The following SUZ12 variants were observed in gnomAD, a reference collection of about 807,000 sequenced individuals.
SUZ12 encodes the protein polycomb protein SUZ12.
Under a neutral mutation model 87.3 loss-of-function variants are expected in SUZ12, and 17 were observed. The observed-to-expected ratio is 0.19, with a 90% CI of 0.13 to 0.29. The LOEUF (loss-of-function observed/expected upper bound fraction) is 0.29. SUZ12 is among the 10% of genes least tolerant of loss of function. SUZ12 has a pLI of 1.00. For synonymous variants in SUZ12, 253 were observed against 312.4 expected, an observed-to-expected ratio of 0.81 and a Z score of 2.01; for missense variants, 526 against 912.2, an observed-to-expected ratio of 0.58 and a Z score of 5.45.
At chr17:31,952,822 C>G (rs1907068336) in intron 4 of SUZ12, among the ~76,000 whole-genome samples, 1 of 152,158 alleles carries the variant, frequency 6.6e-6, no homozygotes, top group South Asian at 2.1e-4. Flanking sequence ...CGTGGCCTTC[C>G]AAAGTGCTGG....
intron 8 of SUZ12, among the ~76,000 whole-genome samples, chr17:31,980,011 TAGAG>T (rs55882925): frequency 0.014 from 2,013 of 145,998 alleles, 52 homozygotes; most frequent in African/African-American, 0.048. Context: ...TATATATGTA[TAGAG>T]AGAGAGAGAG....
chr17:31,990,110 A>G (rs1327868878), intron 10 of SUZ12, among the ~76,000 whole-genome samples: 5 of 127,810 alleles, frequency 3.9e-5, no homozygotes, highest in South Asian at 2.5e-4. Flanking sequence ...GCCGGCCACC[A>G]TGCCCGGCTA....
intron 3 of SUZ12, among the ~76,000 whole-genome samples, chr17:31,941,326 G>A (rs1324986540): frequency 6.6e-6 from 1 of 151,408 alleles, no homozygotes; most frequent in African/African-American, 2.4e-5. Flanking sequence ...GTGCAATCTC[G>A]GCTCACTGCG....
chr17:31,943,718 TGA>T (rs977956726), intron 3 of SUZ12, among the ~76,000 whole-genome samples: 14 of 152,188 alleles, frequency 9.2e-5, no homozygotes, highest in African/African-American at 3.1e-4. Context: ...TTTTTTTTTT[TGA>T]GACAGAGTCT....
At chr17:31,980,277 G>T (rs1909018823) in intron 8 of SUZ12, among the ~76,000 whole-genome samples, 1 of 151,692 alleles carries the variant, frequency 6.6e-6, no homozygotes, top group Non-Finnish European at 1.5e-5. Context: ...TATTCAATTA[G>T]TTTTAATCTA....
intron 4 of SUZ12, among the ~76,000 whole-genome samples, chr17:31,948,193 A>G (rs2142129776): frequency 6.6e-6 from 1 of 152,312 alleles, no homozygotes; most frequent in Admixed American, 6.5e-5. Context: ...ATAGTTTCAG[A>G]AACTTGAACA....
chr17:31,956,626 G>A (rs752704744), intron 4 of SUZ12, among the ~76,000 whole-genome samples: 6 of 152,034 alleles, frequency 3.9e-5, no homozygotes, highest in African/African-American at 1.4e-4. Context: ...TCAGAACCTC[G>A]AGATATCACC....
intron 3 of SUZ12, among the ~76,000 whole-genome samples, chr17:31,946,703 C>T (rs11657487): frequency 0.26 from 39,682 of 152,058 alleles, 6,888 homozygotes; most frequent in Non-Finnish European, 0.38. Flanking sequence ...TAAAGAGAAA[C>T]ATTTTTTCTA....
chr17:31,999,263 TCAA>T lies in SUZ12; in HGVS notation c.*264_*266del, dbSNP rs1201993176. The T allele has an allele frequency of 3.5e-5, 10 of 285,364 alleles. No individual in the cohort carries two copies. In the East Asian group the frequency reaches 3.7e-4, roughly 11 times the overall value. The allele number at this position is 285,364 out of a possible 1,614,324, so 17.7% of individuals were successfully genotyped here. A position where few individuals can be genotyped will look rare whatever the true frequency, so the allele number is the denominator to read the frequency against. ...GCAATATTTCAAAGTATTTTTAAAC[TCAA>T]CAAATGTCATCAAATATGTTGAATT... is the stretch of plus-strand genomic sequence containing the variant. On this transcript the variant is annotated 3_prime_UTR_variant, in exon 16 of 16. Coordinates refer to ENST00000322652, the MANE Select transcript of SUZ12 (RefSeq NM_015355.4).
rs559492282 is a variant in SUZ12, at chr17:31,978,824, T to C, written c.917+2210T>C. The stretch of plus-strand genomic sequence containing the variant: ...CCACAGCAGCTTATTTTGAAAATAT[T>C]CACCCGGGCATGGTGGCTCACGCCT... On this transcript the variant is annotated intron_variant, in intron 8 of 15. Coordinates refer to ENST00000322652, the MANE Select transcript of SUZ12 (RefSeq NM_015355.4). Among the ~76,000 whole-genome samples the C allele has an allele frequency of 7.2e-5, 11 of 152,142 alleles. No individual in the cohort carries two copies. In the East Asian group the frequency reaches 1.9e-3, roughly 27 times the overall value.
intron 9 of SUZ12, 29 bp from the exon 10 acceptor site, chr17:31,988,291 C>T (rs1242292497): frequency 2.0e-6 from 3 of 1,505,830 alleles, no homozygotes; most frequent in East Asian, 4.9e-5. Context: ...ATCTGAGTCT[C>T]CAGTCTTTGC....
Position 31,993,981 on chromosome 17 carries a change from C to T in SUZ12, c.1410C>T (p.Cys470=), listed in dbSNP as rs148296125. ...LYSLLKHLKL[C]HSRFIFNYVY... is the part of the protein sequence containing the mutation. ...GTTTACTCAAGCATCTTAAACTCTG[C>T]CATAGCAGATTTATCTTCAACTATG... The change falls in exon 12 of 16, where the codon TGC becomes TGT. Residue 470 remains cysteine (C), a synonymous_variant. Transcript: ENST00000322652. 129 of 1,611,418 alleles carry T rather than the reference C, an allele frequency of 8.0e-5. No homozygotes were observed. The African/African-American group carries it at 1.6e-3, about 20-fold the overall frequency.
At chr17:31,955,011 G>T (rs990079134) in intron 4 of SUZ12, among the ~76,000 whole-genome samples, 2 of 152,150 alleles carry the variant, frequency 1.3e-5, no homozygotes, top group Non-Finnish European at 2.9e-5. Context: ...CTAAGAGGTG[G>T]GGTCTTGTTC....
In SUZ12 at chr17:31,994,563, G is replaced by A; in HGVS notation, c.1438-1G>A. On this transcript the variant is annotated splice_acceptor_variant, in intron 12 of 15. Transcript: ENST00000322652. LOFTEE classifies it high-confidence loss of function. ...TTTTTTTTTTTACATTTTTGTTGCAGTATCATCCAAAAGGTGCTAGGATAG... is the reference window on the plus strand; with the variant it reads ...TTTTTTTTTTTACATTTTTGTTGCAATATCATCCAAAAGGTGCTAGGATAG... 6.3e-7 allele frequency: 1 copy of A among 1,589,472 alleles called. No homozygotes were observed. The highest frequency in any genetic ancestry group is 8.6e-7 in the Non-Finnish European group (1 of 1,169,356).
chr17:31,955,011 G>A (rs990079134), intron 4 of SUZ12, among the ~76,000 whole-genome samples: 1 of 152,150 alleles, frequency 6.6e-6, no homozygotes, highest in Non-Finnish European at 1.5e-5. Context: ...CTAAGAGGTG[G>A]GGTCTTGTTC....
chr17:31,996,600 T>C lies in SUZ12; in HGVS notation c.1795-198T>C, dbSNP rs555934514. ...TGCCACTGTACTTCAGCCTGGGCGA[T>C]AGAGCAAGACTCTGTCTCTAACTAA... is the stretch of plus-strand genomic sequence containing the variant. On this transcript the variant is annotated intron_variant, in intron 14 of 15. Transcript: ENST00000322652. 3.9e-5 allele frequency among the ~76,000 whole-genome samples: 6 copies of C among 152,244 alleles called. No homozygotes were observed. In the South Asian group the frequency reaches 1.2e-3, roughly 32 times the overall value.
At chr17:31,964,961 G>A (rs972074812) in intron 4 of SUZ12, among the ~76,000 whole-genome samples, 3 of 151,980 alleles carry the variant, frequency 2.0e-5, no homozygotes, top group East Asian at 3.9e-4. Context: ...CAACCTGGGC[G>A]AGAAGAGCGA....
chr17:31,995,655 C>T lies in SUZ12; in HGVS notation c.1687C>T (p.Arg563Cys). The change falls in exon 14 of 16, where the codon CGT (arginine) becomes TGT (cysteine). Residue 563 changes from arginine to cysteine, a missense_variant. Physicochemically the swap from Arg to Cys is radical, Grantham distance 180. Around this residue, in one of 9 missense-constraint regions of SUZ12, gnomAD observed 143 missense variants for 321.6 expected, o/e 0.44. Coordinates refer to ENST00000322652, the MANE Select transcript of SUZ12 (RefSeq NM_015355.4). ...AAGAACATATAGTAGTGGCCACAAT[C>T]GTCTGTATTTCCATAGTGATACCTG... is the stretch of plus-strand genomic sequence containing the variant. ...QQRTYSSGHN[R>C]LYFHSDTCLP... The T allele has an allele frequency of 1.2e-6, 2 of 1,613,840 alleles. No individual in the cohort carries two copies. The highest frequency in any genetic ancestry group is 2.2e-5 in the East Asian group (1 of 44,848).
chr17:32,000,057 T>C lies in SUZ12; in HGVS notation c.*1054T>C, dbSNP rs1433704169. The C allele has an allele frequency of 1.3e-5, 3 of 232,954 alleles. No homozygotes were observed. Among genetic ancestry groups the C allele is most frequent in the Non-Finnish European group, 2.5e-5 (3 of 117,888 alleles). The allele number at this position is 232,954 out of a possible 1,614,324, so 14.4% of individuals were successfully genotyped here. On this transcript the variant is annotated 3_prime_UTR_variant, in exon 16 of 16. Coordinates refer to ENST00000322652, the MANE Select transcript of SUZ12 (RefSeq NM_015355.4). The stretch of plus-strand genomic sequence containing the variant: ...CTGTGTTATATGTGTTTCACGCACA[T>C]ATTTGCAGTTGGATTTTCTCCAACA...
Sources: gnomAD v4.1 joint callset for allele counts (sites outside exome capture counted in the v4.1 genomes callset) on GRCh38, gnomAD v4.1.1 for gene constraint, gnomAD v4.1.1 regional missense constraint, MANE v1.5 for transcripts, NCBI Gene and HGNC (gene_info 2026-07-23, HGNC 2026-07-21) for gene names.